The following SCAF8 variants were observed in gnomAD, a reference collection of about 807,000 sequenced individuals.
SCAF8 encodes SR-related and CTD-associated factor 8.
A neutral mutation model predicts 140.5 loss-of-function variants in SCAF8; 23 were observed. That is an observed-to-expected ratio of 0.16 (90% CI 0.12 to 0.23). The LOEUF (loss-of-function observed/expected upper bound fraction) is 0.23. Ranked by LOEUF, SCAF8 falls within the 10% of genes least tolerant of loss-of-function variation. The pLI is 1.00. For synonymous variants in SCAF8, 575 were observed against 528.9 expected (o/e 1.09, Z -1.20); for missense variants, 1,397 against 1,555.7 (o/e 0.90, Z 1.72).
At chr6:154,755,232 G>T (rs1354996901) in intron 1 of SCAF8, among the ~76,000 whole-genome samples, 1 of 152,026 alleles carries the variant, frequency 6.6e-6, no homozygotes, top group Non-Finnish European at 1.5e-5. Context: ...TCATATAGTA[G>T]AACTAGGTAT....
intron 1 of SCAF8, among the ~76,000 whole-genome samples, chr6:154,755,221 T>A (rs1342618655): frequency 6.6e-6 from 1 of 152,162 alleles, no homozygotes; most frequent in Non-Finnish European, 1.5e-5. Context: ...TTTTCTCTAG[T>A]TCATATAGTA....
At chr6:154,794,987 G>A (rs768825263) in intron 5 of SCAF8, 22 bp from the exon 6 acceptor site, 9 of 1,569,482 alleles carry the variant, frequency 5.7e-6, no homozygotes, top group Non-Finnish European at 6.9e-6. Flanking sequence ...TTATTTGGGG[G>A]GTGTGATGTT....
intron 6 of SCAF8, among the ~76,000 whole-genome samples, chr6:154,796,247 A>T (rs536735357): frequency 4.6e-4 from 70 of 152,072 alleles, no homozygotes; most frequent in African/African-American, 1.6e-3. Context: ...CTTTTTCTAG[A>T]TGATAGTGTT....
At chr6:154,777,893 A>G (rs1776962880) in intron 2 of SCAF8, 108 bp from the exon 3 acceptor site, 1 of 682,140 alleles carries the variant, frequency 1.5e-6, no homozygotes, top group Admixed American at 3.0e-5. Context: ...CTTGGTTAAG[A>G]TAATTGTTTT....
chr6:154,822,695 T>C (rs1178355617), intron 16 of SCAF8, among the ~76,000 whole-genome samples: 2 of 152,196 alleles, frequency 1.3e-5, no homozygotes, highest in Non-Finnish European at 1.5e-5. Context: ...AGGAGTCAAA[T>C]TGATAGAACA....
At position 154,828,079 on chromosome 6, in the gene SCAF8, T is replaced by C. The variant is rs575913077; in HGVS notation, c.2140+839T>C. On this transcript the variant is annotated intron_variant, in intron 18 of 19. Transcript: ENST00000367178. ...TCACTCTTGGTGTTTTGTTCCCCTT[T>C]TAATGATGTTAAGATTGATCAGAAC... Among the ~76,000 whole-genome samples, 3 of 152,296 alleles carry C rather than the reference T, an allele frequency of 2.0e-5. No homozygotes were observed. The South Asian group carries it at 6.2e-4, about 32-fold the overall frequency.
At chr6:154,790,717 A>G (rs1054542548) in intron 4 of SCAF8, among the ~76,000 whole-genome samples, 2 of 151,908 alleles carry the variant, frequency 1.3e-5, no homozygotes, top group South Asian at 2.1e-4. Flanking sequence ...TCACCATGTT[A>G]GCCAAGATGG....
chr6:154,804,104 A>G (rs1456962906), intron 8 of SCAF8, among the ~76,000 whole-genome samples: 1 of 151,984 alleles, frequency 6.6e-6, no homozygotes, highest in Non-Finnish European at 1.5e-5. Flanking sequence ...TCCCTAAACA[A>G]TTCTGCAGTG....
intron 2 of SCAF8, among the ~76,000 whole-genome samples, chr6:154,776,297 GTATATA>G (rs763251453): frequency 8.1e-4 from 35 of 43,246 alleles, no homozygotes; most frequent in Admixed American, 1.6e-3. Flanking sequence ...GTGTATATAT[GTATATA>G]TATATATGTA....
rs772570669 is a variant in SCAF8 at position 154,815,824 on chromosome 6, T to G, written c.1521+8T>G. 1.1e-5 allele frequency: 17 copies of G among 1,551,182 alleles called. No individual in the cohort carries two copies. Among genetic ancestry groups the G allele is most frequent in the Non-Finnish European group, 1.5e-5 (17 of 1,123,832 alleles). On this transcript the variant is annotated splice_region_variant and intron_variant, in intron 13 of 19. Transcript: ENST00000367178. ...CAGATTGAATCCATTAATGCAAGTA[T>G]CAGTTCTTAATAATTTAAGGTTTTA...
At chr6:154,821,540 G>C (rs1021989755) in intron 15 of SCAF8, among the ~76,000 whole-genome samples, 1 of 152,140 alleles carries the variant, frequency 6.6e-6, no homozygotes, top group Admixed American at 6.5e-5. Context: ...ATCAGGGAAG[G>C]GAGATGGGCA....
At chr6:154,804,256 A>G (rs539809132) in intron 8 of SCAF8, among the ~76,000 whole-genome samples, 1 of 152,296 alleles carries the variant, frequency 6.6e-6, no homozygotes, top group East Asian at 1.9e-4. Context: ...TATTAGTTGT[A>G]TATATTGGGG....
intron 6 of SCAF8, among the ~76,000 whole-genome samples, chr6:154,796,193 G>C (rs971155463): frequency 4.6e-5 from 7 of 151,890 alleles, no homozygotes; most frequent in Admixed American, 1.3e-4. Context: ...CTGTGATGTT[G>C]GTTTTGTTTC....
At chr6:154,816,454 T>G (rs1283198004) in intron 13 of SCAF8, among the ~76,000 whole-genome samples, 1 of 152,222 alleles carries the variant, frequency 6.6e-6, no homozygotes, top group Non-Finnish European at 1.5e-5. Context: ...TGCTTTTCCC[T>G]GAGGGTCAGA....
intron 9 of SCAF8, among the ~76,000 whole-genome samples, chr6:154,807,528 C>A (rs866235820): frequency 6.6e-6 from 1 of 152,096 alleles, no homozygotes; most frequent in African/African-American, 2.4e-5. Context: ...TACAGGCATC[C>A]GCCACCGTGC....
chr6:154,806,670 CTT>C (rs1330166998), intron 9 of SCAF8, among the ~76,000 whole-genome samples: 1 of 152,130 alleles, frequency 6.6e-6, no homozygotes, highest in Admixed American at 6.6e-5. Flanking sequence ...CTGAACTTGA[CTT>C]TTTAATGCAA....
intron 12 of SCAF8, among the ~76,000 whole-genome samples, chr6:154,814,677 TATAAC>T (rs1163220669): frequency 5.3e-5 from 8 of 152,196 alleles, no homozygotes; most frequent in African/African-American, 1.9e-4. Context: ...TAAATCCAAA[TATAAC>T]ATATGAAAAT....
rs561486694 is a variant in SCAF8 at position 154,733,530 on chromosome 6, G to A, written c.-371G>A. The A allele has an allele frequency of 8.0e-4, 1,048 of 1,308,222 alleles. 13 individuals are homozygous for A. The South Asian group carries it at 0.014, about 18-fold the overall frequency. The allele number at this position is 1,308,222 out of a possible 1,614,324, so 81.0% of individuals were successfully genotyped here. ...TGAAACAGGAGCCCGTCGGAGGAAG[G>A]GGCAGAAGGGAGTGGAGAGTGTAGG... On this transcript the variant is annotated 5_prime_UTR_variant, in exon 1 of 20. Transcript: ENST00000367178.
intron 1 of SCAF8, among the ~76,000 whole-genome samples, chr6:154,764,295 A>G (rs1174840303): frequency 5.7e-5 from 8 of 141,404 alleles, no homozygotes; most frequent in South Asian, 4.4e-4. Context: ...TTTTTTTGAG[A>G]CGGAGTCTCG....
Sources: allele counts gnomAD v4.1 joint callset (sites outside exome capture counted in the v4.1 genomes callset), GRCh38; gene constraint gnomAD v4.1.1; transcripts MANE v1.5; gene names NCBI Gene and HGNC (gene_info 2026-07-23, HGNC 2026-07-21).